Variants in ABCC11 observed in about 807,000 individuals in gnomAD.
ABCC11 encodes ATP binding cassette subfamily C member 11, also known as ATP-binding cassette sub-family C member 11.
In ABCC11, 135 loss-of-function variants were observed where a neutral mutation model predicts 149.3. That is an observed-to-expected ratio of 0.90 (90% CI 0.79 to 1.04). The LOEUF is 1.04. Ranked by LOEUF, ABCC11 falls within the 50% of genes least tolerant of loss-of-function variation. The pLI is 0.00. For synonymous variants in ABCC11, 665 were observed against 671.4 expected (o/e 0.99, Z 0.15); for missense variants, 1,680 against 1,722.1 (o/e 0.98, Z 0.43).
At chr16:48,212,996 T>C (rs1174947930) in intron 10 of ABCC11, among the ~76,000 whole-genome samples, 1 of 152,220 alleles carries the variant, frequency 6.6e-6, no homozygotes, top group Non-Finnish European at 1.5e-5. Flanking sequence ...ACAAGGCAGG[T>C]ATTGCCTCAA....
intron 14 of ABCC11, among the ~76,000 whole-genome samples, chr16:48,201,125 T>C (rs1350836952): frequency 6.6e-6 from 1 of 152,240 alleles, no homozygotes; most frequent in Non-Finnish European, 1.5e-5. Flanking sequence ...TTTAAAGATA[T>C]ATGACTTTTA....
rs892763258 is a variant in ABCC11 at position 48,200,139 on chromosome 16, C to T, written c.2082+137G>A. Reference sequence around the variant, plus strand: ...GGAAATCCAAGTTTTTTACAGCCCTCCCCAAATGTGGAGGAGTCTAACCTG... The same window carrying T: ...GGAAATCCAAGTTTTTTACAGCCCTTCCCAAATGTGGAGGAGTCTAACCTG... On this transcript the variant is annotated intron_variant, in intron 15 of 29. Transcript: ENST00000356608. The T allele has an allele frequency of 1.0e-5, 9 of 866,606 alleles. No individual in the cohort carries two copies. The African/African-American group carries it at 1.5e-4, about 15-fold the overall frequency. 53.7% of individuals were successfully genotyped at this position (866,606 alleles called of 1,614,324 possible). A position where few individuals can be genotyped will look rare whatever the true frequency, so the allele number is the denominator to read the frequency against.
Position 48,168,237 on chromosome 16 carries a change from T to C in ABCC11, c.3892-577A>G, listed in dbSNP as rs189946875. Among the ~76,000 whole-genome samples, 486 of 129,796 alleles carry C rather than the reference T, an allele frequency of 3.7e-3. 5 individuals are homozygous for C. Among genetic ancestry groups the C allele is most frequent in the African/African-American group, 0.012 (465 of 39,984 alleles). The allele number at this position is 129,796 out of a possible 152,430, so 85.2% of individuals were successfully genotyped here. A position where few individuals can be genotyped will look rare whatever the true frequency, so the allele number is the denominator to read the frequency against. ...CCCAGAGATGACAAAAATCATAAAG[T>C]AATGACTCAAATTTGGGAAGCAATA... On this transcript the variant is annotated intron_variant, in intron 28 of 29. Coordinates refer to ENST00000356608, the MANE Select transcript of ABCC11 (RefSeq NM_001370497.1).
intron 23 of ABCC11, among the ~76,000 whole-genome samples, chr16:48,179,937 G>A (rs909668115): frequency 2.0e-5 from 3 of 152,212 alleles, no homozygotes; most frequent in African/African-American, 7.2e-5. Context: ...GGTGTAGGAA[G>A]GAGGGGAAGC....
At chr16:48,201,663 T>C (rs529886807) in intron 14 of ABCC11, among the ~76,000 whole-genome samples, 6 of 152,132 alleles carry the variant, frequency 3.9e-5, no homozygotes, top group South Asian at 2.1e-4. Flanking sequence ...TTGGCCTGGG[T>C]TACAGGTGTC....
At chr16:48,201,195 A>G (rs2150822482) in intron 14 of ABCC11, among the ~76,000 whole-genome samples, 1 of 152,338 alleles carries the variant, frequency 6.6e-6, no homozygotes, top group South Asian at 2.1e-4. Context: ...CTAGGAGGCA[A>G]ACATTAAACT....
At chr16:48,239,946 G>A (rs1970879711) in intron 1 of ABCC11, among the ~76,000 whole-genome samples, 1 of 152,194 alleles carries the variant, frequency 6.6e-6, no homozygotes, top group African/African-American at 2.4e-5. Context: ...CTGATCATTA[G>A]AGAAATGCAA....
Position 48,176,975 on chromosome 16 carries a change from G to C in ABCC11, c.3487C>G (p.Leu1163Val), listed in dbSNP as rs148224575. The change falls in exon 25 of 30, where the codon CTG (leucine) becomes GTG (valine). Residue 1163 changes from leucine to valine, a missense_variant. Coordinates refer to ENST00000356608, the MANE Select transcript of ABCC11 (RefSeq NM_001370497.1). The stretch of plus-strand genomic sequence containing the variant: ...ACCACTTCGTGGCCGCGGATGGTCA[G>C]GTTGATGCCGTGAAGCACGGTGGGT... ...NTPTVLHGIN[L>V]TIRGHEVVGI... 30 of 1,614,176 alleles carry C rather than the reference G, an allele frequency of 1.9e-5. No individual in the cohort carries two copies. Among genetic ancestry groups the C allele is most frequent in the Non-Finnish European group, 2.5e-5 (29 of 1,180,020 alleles).
At chr16:48,244,781 A>G (rs1342845191) in intron 1 of ABCC11, among the ~76,000 whole-genome samples, 1 of 152,178 alleles carries the variant, frequency 6.6e-6, no homozygotes, top group African/African-American at 2.4e-5. Flanking sequence ...TGGGGATGTC[A>G]GATACCTGCC....
chr16:48,186,557 T>C (rs1208033279), intron 22 of ABCC11, among the ~76,000 whole-genome samples: 1 of 152,218 alleles, frequency 6.6e-6, no homozygotes, highest in Non-Finnish European at 1.5e-5. Context: ...GCATGAGTAG[T>C]GAAGGAAGTT....
At chr16:48,174,295 C>T (rs1215386995) in intron 26 of ABCC11, among the ~76,000 whole-genome samples, 1 of 152,170 alleles carries the variant, frequency 6.6e-6, no homozygotes, top group Non-Finnish European at 1.5e-5. Flanking sequence ...CAGGCAGAAG[C>T]TCAGAAAAGG....
intron 6 of ABCC11, among the ~76,000 whole-genome samples, chr16:48,221,592 C>G (rs147469269): frequency 6.6e-6 from 1 of 152,348 alleles, no homozygotes; most frequent in East Asian, 1.9e-4. Context: ...GCCATCAAGT[C>G]TTCCCATACC....
chr16:48,175,411 G>C lies in ABCC11; in HGVS notation c.3545C>G (p.Ser1182Cys), dbSNP rs747583355. 4 of 1,607,618 alleles carry C rather than the reference G, an allele frequency of 2.5e-6. 1 individual carries two copies. The South Asian group carries it at 4.4e-5, about 18-fold the overall frequency. The part of the protein sequence containing the change: ...GIVGRTGSGK[S>C]SLGMALFRLV... ...GCGGAAGAGAGCCATGCCCAAGGAGGACTTCCCTGTGGGGCAAGAAACAAG... is the reference window on the plus strand; with the variant it reads ...GCGGAAGAGAGCCATGCCCAAGGAGCACTTCCCTGTGGGGCAAGAAACAAG... The change falls in exon 26 of 30, where the codon TCC (serine) becomes TGC (cysteine). Residue 1182 changes from serine to cysteine, a missense_variant. By Grantham distance (112) the Ser-to-Cys change is moderately radical. Transcript: ENST00000356608.
intron 23 of ABCC11, among the ~76,000 whole-genome samples, chr16:48,183,539 A>G (rs1966573335): frequency 1.3e-5 from 2 of 152,248 alleles, no homozygotes; most frequent in South Asian, 4.1e-4. Context: ...AGGCCAGTGG[A>G]TCACTTGAAG....
At chr16:48,235,946 T>C (rs1271823499) in intron 1 of ABCC11, among the ~76,000 whole-genome samples, 1 of 152,104 alleles carries the variant, frequency 6.6e-6, no homozygotes, top group Non-Finnish European at 1.5e-5. Context: ...GAGGAGCTGA[T>C]TTATTTCCAT....
intron 2 of ABCC11, 143 bp from the exon 3 acceptor site, chr16:48,230,716 G>C: frequency 2.9e-6 from 3 of 1,020,974 alleles, no homozygotes; most frequent in Non-Finnish European, 4.1e-6. Flanking sequence ...AGAATAAGCA[G>C]GGGACCGAGA....
intron 6 of ABCC11, among the ~76,000 whole-genome samples, chr16:48,219,933 G>A (rs968363225): frequency 6.6e-6 from 1 of 152,250 alleles, no homozygotes; most frequent in African/African-American, 2.4e-5. Context: ...GTGAGCCAAG[G>A]TTGCACTATT....
chr16:48,196,225 A>G lies in ABCC11; in HGVS notation c.2404+7T>C. ...GAGAGAGCCCTGGGCTGGCATGGGG[A>G]CCGTACCTCCAGCTGCCTGGATGTA... On this transcript the variant is annotated splice_region_variant and intron_variant, in intron 18 of 29. Transcript: ENST00000356608. 1 of 1,614,012 alleles carries G rather than the reference A, an allele frequency of 6.2e-7. No individual in the cohort carries two copies. Among genetic ancestry groups the G allele is most frequent in the Non-Finnish European group, 8.5e-7 (1 of 1,179,932 alleles).
chr16:48,189,045 A>G (rs1345395425), intron 20 of ABCC11, among the ~76,000 whole-genome samples: 1 of 152,244 alleles, frequency 6.6e-6, no homozygotes, highest in Non-Finnish European at 1.5e-5. Flanking sequence ...CTGGTGGGGT[A>G]GTGAGGGTTG....
Sources: allele counts gnomAD v4.1 joint callset (sites outside exome capture counted in the v4.1 genomes callset), GRCh38; gene constraint gnomAD v4.1.1; transcripts MANE v1.5; gene names NCBI Gene and HGNC (gene_info 2026-07-23, HGNC 2026-07-21).